The following CDCP1 variants were observed in gnomAD, a reference collection of about 807,000 sequenced individuals.
The protein encoded by CDCP1 is CUB domain-containing protein 1.
In CDCP1, 29 loss-of-function variants were observed where a neutral mutation model predicts 60.2. That is an observed-to-expected ratio of 0.48 (90% CI 0.36 to 0.66). The LOEUF (loss-of-function observed/expected upper bound fraction) is 0.66. CDCP1 is among the 30% of genes least tolerant of loss of function. The pLI is 0.00. For missense variants in CDCP1, 876 were observed against 1,074.3 expected (o/e 0.82, Z 2.58); for synonymous variants, 387 against 431.1 (o/e 0.90, Z 1.27).
At chr3:45,134,148 CTT>C (rs533789339) in intron 1 of CDCP1, among the ~76,000 whole-genome samples, 10 of 145,162 alleles carry the variant, frequency 6.9e-5, no homozygotes, top group Admixed American at 1.4e-4. Context: ...CTACTTCTTT[CTT>C]TTTTTTTTTT....
At chr3:45,096,435 G>A (rs946268617) in intron 4 of CDCP1, among the ~76,000 whole-genome samples, 5 of 151,934 alleles carry the variant, frequency 3.3e-5, no homozygotes, top group Admixed American at 3.3e-4. Flanking sequence ...GACCAGCCTG[G>A]GTAACATGTT....
chr3:45,115,710 T>A (rs1033358509), intron 2 of CDCP1, among the ~76,000 whole-genome samples: 37 of 152,156 alleles, frequency 2.4e-4, no homozygotes, highest in East Asian at 9.6e-4. Flanking sequence ...TCTTTTTTTT[T>A]TAAATTTTTT....
rs573487895 is a variant in CDCP1 at position 45,102,311 on chromosome 3, T to A, written c.1025-6743A>T. Among the ~76,000 whole-genome samples, 6 of 152,164 alleles carry A rather than the reference T, an allele frequency of 3.9e-5. No homozygotes were observed. The South Asian group carries it at 8.3e-4, about 21-fold the overall frequency. Reference sequence around the variant, plus strand: ...GCTTTGAACTCCTGACATCAGGTGATCCACTGCCTCGGCCTCCCAAAGTGC... The same window carrying A: ...GCTTTGAACTCCTGACATCAGGTGAACCACTGCCTCGGCCTCCCAAAGTGC... On this transcript the variant is annotated intron_variant, in intron 4 of 8. Coordinates refer to ENST00000296129, the MANE Select transcript of CDCP1 (RefSeq NM_022842.5).
At chr3:45,118,708 G>C in intron 1 of CDCP1, 87 bp from the exon 2 acceptor site, 1 of 1,031,072 alleles carries the variant, frequency 9.7e-7, no homozygotes, top group Non-Finnish European at 1.5e-6. Flanking sequence ...GTTCAGAGAG[G>C]ATGTCCTCTA....
chr3:45,110,194 A>G (rs768900504), intron 4 of CDCP1: 6 of 1,293,418 alleles, frequency 4.6e-6, no homozygotes, highest in African/African-American at 1.5e-5. Flanking sequence ...CATAAGATCT[A>G]GAAAAATGAC....
At chr3:45,112,543 G>A in intron 2 of CDCP1, 98 bp from the exon 3 acceptor site, 1 of 1,514,778 alleles carries the variant, frequency 6.6e-7, no homozygotes, top group East Asian at 2.3e-5. Context: ...GACTCTTTGG[G>A]GCTCCCCCAA....
chr3:45,107,273 A>G (rs953045945), intron 4 of CDCP1, among the ~76,000 whole-genome samples: 3 of 150,834 alleles, frequency 2.0e-5, no homozygotes, highest in Non-Finnish European at 3.0e-5. Context: ...GTGGCACAAT[A>G]TTGGCTCACC....
intron 1 of CDCP1, among the ~76,000 whole-genome samples, chr3:45,132,234 CAAAA>C (rs10716215): frequency 7.9e-6 from 1 of 126,396 alleles, no homozygotes; most frequent in Non-Finnish European, 1.7e-5. Context: ...GACTCCGTCT[CAAAA>C]AAAAAAAAAA....
chr3:45,112,635 T>G (rs1308199240), intron 2 of CDCP1, among the ~76,000 whole-genome samples, 190 bp from the exon 3 acceptor site: 2 of 152,178 alleles, frequency 1.3e-5, no homozygotes, highest in Admixed American at 1.3e-4. Context: ...GTACCCTCCT[T>G]CGGGGAAGTG....
At chr3:45,120,488 C>G (rs1698864593) in intron 1 of CDCP1, among the ~76,000 whole-genome samples, 1 of 152,150 alleles carries the variant, frequency 6.6e-6, no homozygotes, top group African/African-American at 2.4e-5. Context: ...TAGAATAACT[C>G]TACACTCCCT....
chr3:45,102,429 C>G (rs947589157), intron 4 of CDCP1, among the ~76,000 whole-genome samples: 1 of 151,862 alleles, frequency 6.6e-6, no homozygotes, highest in African/African-American at 2.4e-5. Context: ...TTTGCCCAAA[C>G]TTACATAGCT....
intron 4 of CDCP1, among the ~76,000 whole-genome samples, chr3:45,106,700 G>A (rs1698572379): frequency 6.6e-6 from 1 of 152,234 alleles, no homozygotes; most frequent in Non-Finnish European, 1.5e-5. Flanking sequence ...CACTCCTGGG[G>A]TAGTGGCTTT....
intron 1 of CDCP1, among the ~76,000 whole-genome samples, chr3:45,122,065 G>A (rs1196070114): frequency 1.3e-5 from 2 of 151,842 alleles, no homozygotes; most frequent in African/African-American, 4.8e-5. Flanking sequence ...TGTTTGGCCA[G>A]GTTAGTACCC....
chr3:45,134,047 C>T (rs945483916), intron 1 of CDCP1, among the ~76,000 whole-genome samples: 4 of 152,182 alleles, frequency 2.6e-5, no homozygotes, highest in Non-Finnish European at 5.9e-5. Flanking sequence ...CACCCACCCA[C>T]GGCAGCCAGG....
intron 1 of CDCP1, among the ~76,000 whole-genome samples, 197 bp downstream of exon 1, chr3:45,146,009 C>T (rs552906205): frequency 6.6e-6 from 1 of 151,992 alleles, no homozygotes; most frequent in Non-Finnish European, 1.5e-5. Context: ...CCCACGCGCC[C>T]GACGCGGCGC....
At chr3:45,114,713 A>G (rs982133650) in intron 2 of CDCP1, among the ~76,000 whole-genome samples, 18 of 152,218 alleles carry the variant, frequency 1.2e-4, no homozygotes, top group African/African-American at 4.3e-4. Context: ...ATGCTCAGCC[A>G]ACTTTCATTA....
rs943666501 is a variant in CDCP1 at position 45,082,749 on chromosome 3, G to A, written c.*2889C>T. The A allele has an allele frequency of 6.6e-6, 1 of 152,178 alleles. No individual in the cohort carries two copies. Among genetic ancestry groups the A allele is most frequent in the African/African-American group, 2.4e-5 (1 of 41,436 alleles). The allele number at this position is 152,178 out of a possible 1,614,324, so 9.4% of individuals were successfully genotyped here. The stretch of plus-strand genomic sequence containing the variant: ...AGCATTAGAGACCAGTCCTGCATGC[G>A]CTGGCCTTCCTCGTAGGCATGGCAG... On this transcript the variant is annotated 3_prime_UTR_variant, in exon 9 of 9. Transcript: ENST00000296129.
At chr3:45,123,878 T>G (rs1370741636) in intron 1 of CDCP1, among the ~76,000 whole-genome samples, 1 of 152,200 alleles carries the variant, frequency 6.6e-6, no homozygotes, top group Non-Finnish European at 1.5e-5. Flanking sequence ...ACTTTGAGGC[T>G]TTATGGGCTG....
intron 1 of CDCP1, among the ~76,000 whole-genome samples, chr3:45,120,480 G>GA (rs1030713181): frequency 6.6e-6 from 1 of 152,108 alleles, no homozygotes; most frequent in Non-Finnish European, 1.5e-5. Context: ...GGTGGGGCTA[G>GA]AATAACTCTA....
Sources: gnomAD v4.1 joint callset for allele counts (sites outside exome capture counted in the v4.1 genomes callset) on GRCh38, gnomAD v4.1.1 for gene constraint, MANE v1.5 for transcripts, NCBI Gene and HGNC (gene_info 2026-07-23, HGNC 2026-07-21) for gene names.